PIP4K2A: variants seen among roughly 807,000 people sequenced by gnomAD.
PIP4K2A encodes phosphatidylinositol-5-phosphate 4-kinase type 2 alpha.
In PIP4K2A, 14 loss-of-function variants were observed where a neutral mutation model predicts 42.9. That is an observed-to-expected ratio of 0.33 (90% confidence interval 0.22 to 0.51). The LOEUF is 0.51. Among genes scored for constraint, PIP4K2A ranks in the 20% least tolerant of loss-of-function variants. The probability of loss-of-function intolerance (pLI) is 0.97; values close to 1 mark genes in which losing one functional copy is unlikely to be tolerated. For missense variants in PIP4K2A, 434 were observed against 519.8 expected (o/e 0.83, Z 1.61); for synonymous variants, 192 against 192.2 (o/e 1.00, Z 0.01).
chr10:22,665,891 A>G (rs540913528), intron 1 of PIP4K2A, among the ~76,000 whole-genome samples: 1 of 152,092 alleles, frequency 6.6e-6, no homozygotes, highest in African/African-American at 2.4e-5. Flanking sequence ...TTTACTAATC[A>G]GTACTTTTAG....
chr10:22,549,429 G>C (rs908525016), intron 7 of PIP4K2A, among the ~76,000 whole-genome samples: 1 of 151,990 alleles, frequency 6.6e-6, no homozygotes, highest in Non-Finnish European at 1.5e-5. Flanking sequence ...ATCCGTACTG[G>C]TGTGCCATGA....
At chr10:22,636,953 C>T (rs919842434) in intron 1 of PIP4K2A, among the ~76,000 whole-genome samples, 4 of 152,232 alleles carry the variant, frequency 2.6e-5, no homozygotes, top group Non-Finnish European at 5.9e-5. Flanking sequence ...ACTGCAGCCA[C>T]GTGAGTGAGA....
rs142883857 is a variant in PIP4K2A, at chr10:22,601,397, G to A, written c.339+6530C>T. ...GTTCATAAACAGGACTTGAAACAGT[G>A]CAAGAAATGCCTGCTGACCCTGATG... is the stretch of plus-strand genomic sequence containing the variant. On this transcript the variant is annotated intron_variant, in intron 3 of 9. Coordinates refer to ENST00000376573, the MANE Select transcript of PIP4K2A (RefSeq NM_005028.5). Among the ~76,000 whole-genome samples, 1,304 of 152,246 alleles carry A rather than the reference G, an allele frequency of 8.6e-3. 17 individuals are homozygous for A. Among genetic ancestry groups the A allele is most frequent in the African/African-American group, 0.029 (1,217 of 41,526 alleles).
rs57671642 is a variant in PIP4K2A, at chr10:22,627,591, T to TAAAAAAAAAAAAAAAAAAA, written c.145-17893_145-17875dup. On this transcript the variant is annotated intron_variant, in intron 1 of 9. Coordinates refer to ENST00000376573, the MANE Select transcript of PIP4K2A (RefSeq NM_005028.5). ...TGTTTAACCAAAAGCTAATATGTAA[T>TAAAAAAAAAAAAAAAAAAA]AAAAAAAAAAAAAAAAAAAAAAAAA... Among the ~76,000 whole-genome samples, 21 of 56,990 alleles carry TAAAAAAAAAAAAAAAAAAA rather than the reference T, an allele frequency of 3.7e-4. 3 individuals carry two copies. Among genetic ancestry groups the TAAAAAAAAAAAAAAAAAAA allele is most frequent in the Non-Finnish European group, 6.3e-4 (20 of 31,824 alleles). 37.4% of individuals were successfully genotyped at this position (56,990 alleles called of 152,430 possible). A position where few individuals can be genotyped will look rare whatever the true frequency, so the allele number is the denominator to read the frequency against.
intron 1 of PIP4K2A, among the ~76,000 whole-genome samples, chr10:22,649,495 C>G (rs1282253185): frequency 6.6e-6 from 1 of 152,180 alleles, no homozygotes; most frequent in Non-Finnish European, 1.5e-5. Context: ...CCAAGTTGCA[C>G]CCGGCACAGT....
chr10:22,559,915 TG>T (rs1836643019), intron 6 of PIP4K2A, among the ~76,000 whole-genome samples: 1 of 152,160 alleles, frequency 6.6e-6, no homozygotes, highest in Non-Finnish European at 1.5e-5. Flanking sequence ...TGCAGCCCTG[TG>T]CCCCCAGGGC....
intron 1 of PIP4K2A, among the ~76,000 whole-genome samples, chr10:22,631,976 G>A (rs1838559848): frequency 2.0e-5 from 3 of 151,958 alleles, no homozygotes; most frequent in South Asian, 2.1e-4. Flanking sequence ...TGATACGTGC[G>A]CTGAGATGGA....
intron 1 of PIP4K2A, among the ~76,000 whole-genome samples, chr10:22,707,943 T>C (rs965645254): frequency 2.0e-5 from 3 of 152,168 alleles, no homozygotes; most frequent in Non-Finnish European, 4.4e-5. Context: ...TGGCCTTCAC[T>C]GGACTGCCAT....
intron 9 of PIP4K2A, 31 bp downstream of exon 9, chr10:22,539,932 GGAGAGAAA>G (rs1836060596): frequency 8.6e-6 from 7 of 817,328 alleles, no homozygotes; most frequent in Non-Finnish European, 1.2e-5. Flanking sequence ...AGAGAGAGAG[GGAGAGAAA>G]GAGAGAAGGA....
intron 6 of PIP4K2A, among the ~76,000 whole-genome samples, chr10:22,562,741 C>T (rs1440231395): frequency 6.6e-6 from 1 of 152,176 alleles, no homozygotes; most frequent in African/African-American, 2.4e-5. Context: ...CACGCTCCTC[C>T]TGGGTGACCT....
chr10:22,713,298 A>G (rs1008215689), intron 1 of PIP4K2A, among the ~76,000 whole-genome samples: 2 of 151,868 alleles, frequency 1.3e-5, no homozygotes, highest in African/African-American at 4.8e-5. Context: ...TAACCTTTCC[A>G]CGCGTTCTCC....
intron 1 of PIP4K2A, among the ~76,000 whole-genome samples, chr10:22,713,363 C>T (rs960255059): frequency 6.6e-6 from 1 of 152,094 alleles, no homozygotes; most frequent in African/African-American, 2.4e-5. Flanking sequence ...CCCCTCCGCC[C>T]GCGCCCGCCG....
Position 22,564,338 on chromosome 10 carries a change from G to A in PIP4K2A, c.678+3513C>T, listed in dbSNP as rs116491368. Among the ~76,000 whole-genome samples, 1,478 of 152,314 alleles carry A rather than the reference G, an allele frequency of 9.7e-3. 30 individuals carry two copies. The highest frequency in any genetic ancestry group is 0.034 in the African/African-American group (1,417 of 41,554). The stretch of plus-strand genomic sequence containing the variant: ...GTGTTTACTGTCAGAGCAGGACCAA[G>A]CACTTGTTGACTGAACCTGAAGAAA... On this transcript the variant is annotated intron_variant, in intron 6 of 9. Transcript: ENST00000376573.
chr10:22,630,442 T>C (rs1838525589), intron 1 of PIP4K2A, among the ~76,000 whole-genome samples: 2 of 152,202 alleles, frequency 1.3e-5, no homozygotes, highest in African/African-American at 2.4e-5. Flanking sequence ...AGAATATAAG[T>C]AGCTACTTAG....
At chr10:22,699,191 T>C (rs1445903347) in intron 1 of PIP4K2A, among the ~76,000 whole-genome samples, 2 of 152,180 alleles carry the variant, frequency 1.3e-5, no homozygotes, top group Admixed American at 1.3e-4. Context: ...ACAATATCTG[T>C]TTCCCAACAG....
At chr10:22,624,218 G>C (rs1838390061) in intron 1 of PIP4K2A, among the ~76,000 whole-genome samples, 1 of 152,142 alleles carries the variant, frequency 6.6e-6, no homozygotes, top group South Asian at 2.1e-4. Context: ...GCTTCTTTCT[G>C]GGTTCCTCTG....
intron 6 of PIP4K2A, among the ~76,000 whole-genome samples, chr10:22,552,189 G>C (rs1166681768): frequency 6.6e-6 from 1 of 152,152 alleles, no homozygotes; most frequent in East Asian, 1.9e-4. Flanking sequence ...AATATGAATA[G>C]GTCACAATTT....
At chr10:22,651,105 T>C (rs1838986428) in intron 1 of PIP4K2A, among the ~76,000 whole-genome samples, 1 of 152,176 alleles carries the variant, frequency 6.6e-6, no homozygotes, top group East Asian at 1.9e-4. Context: ...ACCACAAAGT[T>C]AATTATGCCA....
chr10:22,699,334 T>C (rs530796418), intron 1 of PIP4K2A, among the ~76,000 whole-genome samples: 1 of 152,282 alleles, frequency 6.6e-6, no homozygotes, highest in South Asian at 2.1e-4. Flanking sequence ...CAAGGCCTAA[T>C]GTAGTAAAAG....
Sources: allele counts gnomAD v4.1 joint callset (sites outside exome capture counted in the v4.1 genomes callset), GRCh38; gene constraint gnomAD v4.1.1; transcripts MANE v1.5; gene names NCBI Gene and HGNC (gene_info 2026-07-23, HGNC 2026-07-21).